The following CRIM1 variants were observed in gnomAD, a reference collection of about 807,000 sequenced individuals.
CRIM1 encodes the protein cysteine-rich motor neuron 1 protein.
A neutral mutation model predicts 116.4 loss-of-function variants in CRIM1; 32 were observed. That is an observed-to-expected ratio of 0.27 (90% CI 0.21 to 0.37). CRIM1 has a LOEUF of 0.37. Ranked by LOEUF, CRIM1 falls within the 10% of genes least tolerant of loss-of-function variation. The probability of loss-of-function intolerance (pLI) is 1.00; values close to 1 mark genes in which losing one functional copy is unlikely to be tolerated. For missense variants in CRIM1, 1,331 were observed against 1,354.8 expected (o/e 0.98, Z 0.28); for synonymous variants, 590 against 509.2 (o/e 1.16, Z -2.13).
At chr2:36,451,917 C>G (rs1676762344) in intron 4 of CRIM1, among the ~76,000 whole-genome samples, 2 of 128,544 alleles carry the variant, frequency 1.6e-5, no homozygotes, top group Admixed American at 7.7e-5. Context: ...AATAATATTT[C>G]CTGTAGATCC....
chr2:36,435,991 A>G (rs929636922), intron 2 of CRIM1, among the ~76,000 whole-genome samples: 2 of 151,244 alleles, frequency 1.3e-5, no homozygotes, highest in African/African-American at 2.4e-5. Flanking sequence ...TATTTTAAGT[A>G]TTATATATAG....
At chr2:36,391,850 G>C (rs1671635525) in intron 1 of CRIM1, among the ~76,000 whole-genome samples, 1 of 151,598 alleles carries the variant, frequency 6.6e-6, no homozygotes, top group Admixed American at 6.6e-5. Context: ...TATGAATAGA[G>C]GTTGTGGCAC....
chr2:36,367,125 G>A (rs1338740518), intron 1 of CRIM1, among the ~76,000 whole-genome samples: 1 of 152,168 alleles, frequency 6.6e-6, no homozygotes, highest in Non-Finnish European at 1.5e-5. Context: ...TTTGTCTGTG[G>A]AAGTCAAAGT....
At chr2:36,498,299 G>T (rs545033249) in intron 7 of CRIM1, among the ~76,000 whole-genome samples, 5 of 152,204 alleles carry the variant, frequency 3.3e-5, no homozygotes, top group South Asian at 4.2e-4. Context: ...ACTGGAGTCA[G>T]ACTGCCTGGG....
chr2:36,384,392 A>G (rs754883992), intron 1 of CRIM1, among the ~76,000 whole-genome samples: 13 of 152,232 alleles, frequency 8.5e-5, no homozygotes, highest in Non-Finnish European at 1.5e-4. Flanking sequence ...TCATAGATTT[A>G]TAGATACGGC....
chr2:36,417,781 A>G (rs1191399200), intron 2 of CRIM1, among the ~76,000 whole-genome samples: 1 of 152,222 alleles, frequency 6.6e-6, no homozygotes, highest in Non-Finnish European at 1.5e-5. Flanking sequence ...AACACCACTC[A>G]CTAGAATAGA....
At chr2:36,451,368 T>C (rs1248880360) in intron 4 of CRIM1, among the ~76,000 whole-genome samples, 1 of 152,076 alleles carries the variant, frequency 6.6e-6, no homozygotes, top group Non-Finnish European at 1.5e-5. Flanking sequence ...TACCAAACAA[T>C]GAAAACCAAA....
At chr2:36,369,923 A>G (rs1286963054) in intron 1 of CRIM1, among the ~76,000 whole-genome samples, 1 of 152,240 alleles carries the variant, frequency 6.6e-6, no homozygotes, top group African/African-American at 2.4e-5. Flanking sequence ...CTGAGGGCAC[A>G]ACACAGACAA....
intron 2 of CRIM1, among the ~76,000 whole-genome samples, chr2:36,419,339 G>A (rs1419819869): frequency 6.6e-6 from 1 of 152,166 alleles, no homozygotes; most frequent in African/African-American, 2.4e-5. Flanking sequence ...AGTTGTGATT[G>A]ACATCAGATT....
Position 36,522,122 on chromosome 2 carries a change from A to G in CRIM1, c.2237A>G (p.Asn746Ser). 1 of 1,614,186 alleles carries G rather than the reference A, an allele frequency of 6.2e-7. No homozygotes were observed. The highest frequency in any genetic ancestry group is 8.5e-7 in the Non-Finnish European group (1 of 1,180,018). ...CCTTTTCGGCCTTCCTTGTCCCGCA[A>G]TAACAGCGTACCTAATTACTGCAAA... ...DQPFRPSLSR[N>S]NSVPNYCKND... is the part of the protein sequence containing the mutation. The change falls in exon 13 of 17, where the codon AAT (asparagine) becomes AGT (serine). Residue 746 changes from asparagine (N) to serine (S), a missense_variant. Coordinates refer to ENST00000280527, the MANE Select transcript of CRIM1 (RefSeq NM_016441.3).
intron 1 of CRIM1, among the ~76,000 whole-genome samples, chr2:36,362,766 A>T (rs1209959122): frequency 6.6e-6 from 1 of 152,192 alleles, no homozygotes; most frequent in African/African-American, 2.4e-5. Flanking sequence ...CCCACATGAA[A>T]AAAGTAAATG....
At chr2:36,512,894 C>T (rs1027731724) in intron 10 of CRIM1, among the ~76,000 whole-genome samples, 1 of 152,236 alleles carries the variant, frequency 6.6e-6, no homozygotes, top group Non-Finnish European at 1.5e-5. Flanking sequence ...CTGGATATCC[C>T]TGCTGCCTGA....
chr2:36,376,084 G>A (rs1670296962), intron 1 of CRIM1, among the ~76,000 whole-genome samples: 1 of 152,064 alleles, frequency 6.6e-6, no homozygotes, highest in African/African-American at 2.4e-5. Flanking sequence ...AGGGAGAGAG[G>A]GCCTGGACTT....
intron 2 of CRIM1, among the ~76,000 whole-genome samples, chr2:36,426,168 TAGATTGAATCTCTGAAATGCATAGTCC>T (rs563779333): frequency 1.4e-3 from 211 of 152,314 alleles, no homozygotes; most frequent in African/African-American, 4.5e-3. Context: ...TATTTGGCAA[TAGATTGAATCTCTGAAATGCATAGTCC>T]AGAACCAAGA....
intron 1 of CRIM1, among the ~76,000 whole-genome samples, chr2:36,390,853 A>C (rs1051297099): frequency 3.9e-5 from 6 of 152,136 alleles, no homozygotes; most frequent in African/African-American, 1.2e-4. Context: ...TCTGTCGCCC[A>C]GGCTCAAGTG....
intron 1 of CRIM1, among the ~76,000 whole-genome samples, chr2:36,357,363 G>T (rs1408663111): frequency 6.6e-6 from 1 of 152,230 alleles, no homozygotes; most frequent in African/African-American, 2.4e-5. Context: ...ATACCCGCGT[G>T]TTTCCTGTCG....
intron 1 of CRIM1, among the ~76,000 whole-genome samples, chr2:36,360,061 T>C (rs543763489): frequency 6.6e-6 from 1 of 152,278 alleles, no homozygotes; most frequent in South Asian, 2.1e-4. Context: ...TTAGAAAAAT[T>C]AATGAAGTGA....
At position 36,441,270 on chromosome 2, in the gene CRIM1, A is replaced by G; in HGVS notation, c.518A>G (p.Asp173Gly). The G allele has an allele frequency of 6.2e-7, 1 of 1,614,144 alleles. No individual in the cohort carries two copies. Among genetic ancestry groups the G allele is most frequent in the Non-Finnish European group, 8.5e-7 (1 of 1,180,028 alleles). Residue 173 changes from aspartate (D) to glycine (G), a missense_variant, in exon 3 of 17, where the codon GAT becomes GGT. This residue lies in a region of CRIM1 where 690 missense variants were observed against 676.0 expected (regional missense o/e 1.02). Coordinates refer to ENST00000280527, the MANE Select transcript of CRIM1 (RefSeq NM_016441.3). ...ALKRIEEEKP[D>G]CSKARCEVQF... ...CTCTCCCTTTTAGAAGAGAAGCCAG[A>G]TTGCTCCAAGGCCCGCTGTGAAGTC...
chr2:36,506,200 C>T (rs896880381), intron 8 of CRIM1, among the ~76,000 whole-genome samples: 1 of 151,310 alleles, frequency 6.6e-6, no homozygotes, highest in Non-Finnish European at 1.5e-5. Flanking sequence ...CACACACACA[C>T]ACACACACAC....
Sources: allele counts gnomAD v4.1 joint callset (sites outside exome capture counted in the v4.1 genomes callset), GRCh38; gene constraint gnomAD v4.1.1; regional missense constraint gnomAD v4.1.1; transcripts MANE v1.5; gene names NCBI Gene and HGNC (gene_info 2026-07-23, HGNC 2026-07-21).